Variants in SPC24 observed in about 807,000 individuals in gnomAD.
The protein encoded by SPC24 is kinetochore protein Spc24.
Under a neutral mutation model 27.6 loss-of-function variants are expected in SPC24, and 31 were observed. The ratio of observed to expected loss-of-function variants is 1.12; its 90% CI spans 0.84 to 1.52. The LOEUF (loss-of-function observed/expected upper bound fraction) is 1.52, where lower values mean the gene tolerates loss of function less well. Among genes scored for constraint, SPC24 ranks in the 40% most tolerant of loss-of-function variants. The pLI is 0.00. For missense variants in SPC24, 284 were observed against 252.5 expected (o/e 1.12, Z -0.84); for synonymous variants, 105 against 105.8 (o/e 0.99, Z 0.05).
intron 1 of SPC24, among the ~76,000 whole-genome samples, chr19:11,153,792 G>A (rs958072412): frequency 5.3e-5 from 8 of 151,854 alleles, no homozygotes; most frequent in African/African-American, 1.9e-4. Flanking sequence ...ATATGGCTGG[G>A]CACGGTGGCT....
At chr19:11,151,185 T>A (rs145790091) in intron 1 of SPC24, among the ~76,000 whole-genome samples, 36,394 of 125,086 alleles carry the variant, frequency 0.29, 6,102 homozygotes, top group Non-Finnish European at 0.38. Flanking sequence ...AAAAAAAAAA[T>A]GCTTCCCAAA....
At chr19:11,151,686 T>C (rs949549329) in intron 1 of SPC24, among the ~76,000 whole-genome samples, 6 of 152,058 alleles carry the variant, frequency 3.9e-5, no homozygotes, top group Admixed American at 2.0e-4. Context: ...CTCAGCTCAC[T>C]GCAACCTCCG....
At chr19:11,152,711 G>C (rs2077881446) in intron 1 of SPC24, among the ~76,000 whole-genome samples, 1 of 152,044 alleles carries the variant, frequency 6.6e-6, no homozygotes, top group Non-Finnish European at 1.5e-5. Context: ...TAACAGCCAG[G>C]CTGGCCGAGT....
intron 1 of SPC24, among the ~76,000 whole-genome samples, chr19:11,154,896 T>C (rs2077899524): frequency 6.6e-6 from 1 of 151,962 alleles, no homozygotes; most frequent in African/African-American, 2.4e-5. Flanking sequence ...TTACAGATAG[T>C]GAAGATGGGC....
In SPC24 at chr19:11,148,115, T is replaced by C. The variant is rs1381963120; in HGVS notation, c.308A>G (p.Gln103Arg). The C allele has an allele frequency of 6.2e-7, 1 of 1,613,058 alleles. No homozygotes were observed. The highest frequency in any genetic ancestry group is 8.5e-7 in the Non-Finnish European group (1 of 1,179,354). Residue 103 changes from glutamine to arginine, a missense_variant and splice_region_variant, in exon 3 of 5, where the codon CAG becomes CGG. Coordinates refer to ENST00000592540, the MANE Select transcript of SPC24 (RefSeq NM_182513.4). ...GAGCTCTTCCAGCTCTCTGGTGAGC[T>C]GAGTAGGGCAGGTCGTTAAGGACCC... ...EDTRLKASLL[Q>R]LTRELEELKE...
Position 11,149,120 on chromosome 19 carries a change from C to A in SPC24, c.279G>T (p.Glu93Asp). 6.5e-7 allele frequency: 1 copy of A among 1,546,938 alleles called. No individual in the cohort carries two copies. Among genetic ancestry groups the A allele is most frequent in the Non-Finnish European group, 8.7e-7 (1 of 1,145,870 alleles). Reference protein sequence around the residue: ...LEAGLQEAGEEDTRLKASLLQ... With the variant: ...LEAGLQEAGEDDTRLKASLLQ... ...GGAGGCTGGCCTTCAGACGGGTGTCCTCCTCCCCAGCCTCCTGAAGCCCAG... is the reference window on the plus strand; with the variant it reads ...GGAGGCTGGCCTTCAGACGGGTGTCATCCTCCCCAGCCTCCTGAAGCCCAG... Residue 93 changes from glutamate to aspartate, a missense_variant, in exon 2 of 5, where the codon GAG (glutamate) becomes GAT (aspartate). Physicochemically the swap from Glu to Asp is conservative, Grantham distance 45 (BLOSUM62 2). Coordinates refer to ENST00000592540, the MANE Select transcript of SPC24 (RefSeq NM_182513.4).
At position 11,145,933 on chromosome 19, in the gene SPC24, T is replaced by C. The variant is rs1199923645; in HGVS notation, c.*1250A>G. ...CACCAGGCCAAATTTTTTAATTTTT[T>C]TGTAGAGATGGGGTCTTGCCATGTT... is the stretch of plus-strand genomic sequence containing the variant. On this transcript the variant is annotated 3_prime_UTR_variant, in exon 5 of 5. Coordinates refer to ENST00000592540, the MANE Select transcript of SPC24 (RefSeq NM_182513.4). 6.6e-6 allele frequency: 1 copy of C among 152,396 alleles called. No homozygotes were observed. Among genetic ancestry groups the C allele is most frequent in the African/African-American group, 2.4e-5 (1 of 41,436 alleles). 9.4% of individuals were successfully genotyped at this position (152,396 alleles called of 1,614,324 possible).
At position 11,147,049 on chromosome 19, in the gene SPC24, C is replaced by T. The variant is rs534913988; in HGVS notation, c.*134G>A. On this transcript the variant is annotated 3_prime_UTR_variant, in exon 5 of 5. Coordinates refer to ENST00000592540, the MANE Select transcript of SPC24 (RefSeq NM_182513.4). ...GAGCTGAGATTGTGCCATTGCACTC[C>T]AGACTGGACAACAAGAGTGAAACTC... The T allele has an allele frequency of 2.3e-5, 13 of 553,964 alleles. No individual in the cohort carries two copies. The highest frequency in any genetic ancestry group is 2.0e-4 in the African/African-American group (10 of 49,396). 34.3% of individuals were successfully genotyped at this position (553,964 alleles called of 1,614,324 possible). A position where few individuals can be genotyped will look rare whatever the true frequency, so the allele number is the denominator to read the frequency against.
chr19:11,147,207 C>G lies in SPC24; in HGVS notation c.570G>C (p.Trp190Cys). The stretch of plus-strand genomic sequence containing the variant: ...GCTACCACTCGGTGTCCACCAGACT[C>G]CAGAGGTAGTCGCTGATGAATTTCC... ...LSRKFISDYL[W>C]SLVDTEW The change falls in exon 5 of 5, where the codon TGG (tryptophan) becomes TGC (cysteine). Residue 190 changes from tryptophan to cysteine, a missense_variant. Transcript: ENST00000592540. 6.4e-7 allele frequency: 1 copy of G among 1,555,490 alleles called. No individual in the cohort carries two copies. The highest frequency in any genetic ancestry group is 8.7e-7 in the Non-Finnish European group (1 of 1,149,078).
chr19:11,150,060 G>A (rs528560963), intron 1 of SPC24, among the ~76,000 whole-genome samples: 14 of 151,334 alleles, frequency 9.3e-5, no homozygotes, highest in African/African-American at 2.4e-4. Context: ...GGTGGCAGGC[G>A]CCTGTAATCC....
Position 11,147,147 on chromosome 19 carries a change from C to T in SPC24, c.*36G>A. 7.4e-7 allele frequency: 1 copy of T among 1,352,984 alleles called. No homozygotes were observed. The highest frequency in any genetic ancestry group is 1.0e-6 in the Non-Finnish European group (1 of 974,174). 83.8% of individuals were successfully genotyped at this position (1,352,984 alleles called of 1,614,324 possible). ...GAAATGGATCTGACCACGGCAGATG[C>T]CCGCTGGGTGCAAGACGCAGCCACG... On this transcript the variant is annotated 3_prime_UTR_variant, in exon 5 of 5. Transcript: ENST00000592540.
rs774441311 is a variant in SPC24, at chr19:11,148,108, G to A, written c.315C>T (p.Thr105=). 7 of 1,613,202 alleles carry A rather than the reference G, an allele frequency of 4.3e-6. No individual in the cohort carries two copies. The highest frequency in any genetic ancestry group is 5.9e-6 in the Non-Finnish European group (7 of 1,179,424). ...TRLKASLLQL[T]RELEELKEIE... ...TCTCCTTGAGCTCTTCCAGCTCTCT[G>A]GTGAGCTGAGTAGGGCAGGTCGTTA... Residue 105 remains threonine (T), a synonymous_variant, in exon 3 of 5, where the codon ACC becomes ACT. Transcript: ENST00000592540.
chr19:11,153,292 C>CA (rs34823295), intron 1 of SPC24, among the ~76,000 whole-genome samples: 67 of 144,012 alleles, frequency 4.7e-4, no homozygotes, highest in Middle Eastern at 3.8e-3. Flanking sequence ...AAAAAAAATA[C>CA]AAAAAAAAAA....
At chr19:11,147,367 C>CTTT in intron 4 of SPC24, 78 bp from the exon 5 acceptor site, 8 of 798,058 alleles carry the variant, frequency 1.0e-5, no homozygotes, top group South Asian at 2.1e-5. Context: ...ACTGCCTTTA[C>CTTT]TTTTTTTTTT....
chr19:11,148,546 C>A (rs2077847030), intron 2 of SPC24, among the ~76,000 whole-genome samples: 1 of 151,206 alleles, frequency 6.6e-6, no homozygotes, highest in Non-Finnish European at 1.5e-5. Flanking sequence ...GCTCTTTCAC[C>A]TATTCTGGAG....
chr19:11,149,052 C>G, intron 2 of SPC24, 42 bp downstream of exon 2: 1 of 1,443,508 alleles, frequency 6.9e-7, no homozygotes, highest in Non-Finnish European at 9.1e-7. Flanking sequence ...TGGCCCTATG[C>G]GTGTTTTCTA....
intron 1 of SPC24, among the ~76,000 whole-genome samples, chr19:11,152,563 C>A (rs2077880643): frequency 6.6e-6 from 1 of 152,088 alleles, no homozygotes; most frequent in Non-Finnish European, 1.5e-5. Flanking sequence ...AAAACAGGTC[C>A]AGAGACAGAA....
chr19:11,154,948 G>A (rs2077899909), intron 1 of SPC24, among the ~76,000 whole-genome samples: 1 of 152,156 alleles, frequency 6.6e-6, no homozygotes, highest in Non-Finnish European at 1.5e-5. Flanking sequence ...TACTTTGGGA[G>A]GCTGAGGCAG....
chr19:11,147,908 C>CAAGAAAAA lies in SPC24; in HGVS notation c.411-15_411-14insTTTTTCTT. The CAAGAAAAA allele has an allele frequency of 9.0e-7, 1 of 1,110,320 alleles. No homozygotes were observed. Among genetic ancestry groups the CAAGAAAAA allele is most frequent in the South Asian group, 1.6e-5 (1 of 61,434 alleles). The allele number at this position is 1,110,320 out of a possible 1,614,324, so 68.8% of individuals were successfully genotyped here. On this transcript the variant is annotated splice_polypyrimidine_tract_variant and intron_variant, in intron 3 of 4. Transcript: ENST00000592540. Reference sequence around the variant, plus strand: ...TGAGCCACGTACCTGTACAGGAAGACAAAAAAAAAAAAAAAAAAAAAAGAA... The same window carrying CAAGAAAAA: ...TGAGCCACGTACCTGTACAGGAAGACAAGAAAAAAAAAAAAAAAAAAAAAAAAAAAGAA...
Sources: gnomAD v4.1 joint callset for allele counts (sites outside exome capture counted in the v4.1 genomes callset) on GRCh38, gnomAD v4.1.1 for gene constraint, MANE v1.5 for transcripts, NCBI Gene and HGNC (gene_info 2026-07-23, HGNC 2026-07-21) for gene names.